The following FARS2 variants were observed in gnomAD, a reference collection of about 807,000 sequenced individuals.
FARS2 encodes phenylalanine--tRNA ligase, mitochondrial.
In FARS2, 40 loss-of-function variants were observed where a neutral mutation model predicts 46.4. That is an observed-to-expected ratio of 0.86 (90% CI 0.67 to 1.12). FARS2 has a LOEUF of 1.12. Among genes scored for constraint, FARS2 ranks in the 50% most tolerant of loss-of-function variants. The pLI is 0.00. For missense variants in FARS2, 513 were observed against 567.9 expected (o/e 0.90, Z 0.98); for synonymous variants, 234 against 214.9 (o/e 1.09, Z -0.78).
rs149459614 is a variant in FARS2, at chr6:5,531,540, A to G, written c.905-13640A>G. ...TGCCATCCAGCTCAGACCGTATTAA[A>G]GAACACTGCTTGTAAGACCCAGAGA... On this transcript the variant is annotated intron_variant, in intron 4 of 6. Coordinates refer to ENST00000274680, the MANE Select transcript of FARS2 (RefSeq NM_006567.5). Among the ~76,000 whole-genome samples, 220 of 152,364 alleles carry G rather than the reference A, an allele frequency of 1.4e-3. 2 individuals are homozygous for G. Among genetic ancestry groups the G allele is most frequent in the African/African-American group, 5.1e-3 (212 of 41,578 alleles).
At chr6:5,296,647 G>A (rs1366917298) in intron 1 of FARS2, among the ~76,000 whole-genome samples, 2 of 152,214 alleles carry the variant, frequency 1.3e-5, no homozygotes, top group East Asian at 1.9e-4. Flanking sequence ...ACCACTCTAG[G>A]AACTTCGTAT....
intron 1 of FARS2, among the ~76,000 whole-genome samples, chr6:5,364,938 C>T (rs963989036): frequency 6.6e-6 from 1 of 151,908 alleles, no homozygotes; most frequent in Non-Finnish European, 1.5e-5. Flanking sequence ...GGGCAGGGAG[C>T]CACTGGAGCC....
At chr6:5,373,603 A>G (rs1759194543) in intron 2 of FARS2, among the ~76,000 whole-genome samples, 2 of 152,124 alleles carry the variant, frequency 1.3e-5, no homozygotes, top group South Asian at 2.1e-4. Flanking sequence ...TGTTTATGCC[A>G]TTGTATTCAA....
At chr6:5,489,802 T>C (rs886907267) in intron 4 of FARS2, among the ~76,000 whole-genome samples, 1 of 152,240 alleles carries the variant, frequency 6.6e-6, no homozygotes, top group African/African-American at 2.4e-5. Context: ...GAACTTACGT[T>C]GGAATAAATA....
At chr6:5,263,813 T>C (rs892502484) in intron 1 of FARS2, among the ~76,000 whole-genome samples, 7 of 152,246 alleles carry the variant, frequency 4.6e-5, no homozygotes, top group African/African-American at 1.7e-4. Flanking sequence ...GAAATTTCTC[T>C]AATCATAATA....
At position 5,450,901 on chromosome 6, in the gene FARS2, G is replaced by A. The variant is rs114724906; in HGVS notation, c.904+19729G>A. ...GCCGTGCCTCTCTGGAAAATCTTCCGTGATTCTCCATGAAGGTATTCAGGG... is the reference window on the plus strand; with the variant it reads ...GCCGTGCCTCTCTGGAAAATCTTCCATGATTCTCCATGAAGGTATTCAGGG... On this transcript the variant is annotated intron_variant, in intron 4 of 6. Transcript: ENST00000274680. Among the ~76,000 whole-genome samples the A allele has an allele frequency of 4.0e-3, 608 of 152,122 alleles. 6 individuals carry two copies. The highest frequency in any genetic ancestry group is 0.014 in the African/African-American group (581 of 41,502).
chr6:5,673,501 T>G (rs977467510), intron 6 of FARS2, among the ~76,000 whole-genome samples: 1 of 152,180 alleles, frequency 6.6e-6, no homozygotes, highest in Non-Finnish European at 1.5e-5. Flanking sequence ...TTACAATGCT[T>G]TTATTTTTTT....
At chr6:5,657,148 T>C (rs1173860190) in intron 6 of FARS2, among the ~76,000 whole-genome samples, 1 of 152,248 alleles carries the variant, frequency 6.6e-6, no homozygotes, top group Non-Finnish European at 1.5e-5. Flanking sequence ...TGAATTCTTT[T>C]CAACTATTAT....
At chr6:5,458,223 C>G (rs1207073630) in intron 4 of FARS2, 1 of 152,400 alleles carries the variant, frequency 6.6e-6, no homozygotes, top group Admixed American at 6.5e-5. Flanking sequence ...TCATTTGCAG[C>G]AAAGCCTGCC....
At chr6:5,666,288 T>C (rs193283067) in intron 6 of FARS2, among the ~76,000 whole-genome samples, 1 of 152,298 alleles carries the variant, frequency 6.6e-6, no homozygotes, top group Admixed American at 6.5e-5. Context: ...TTGTTTTGCT[T>C]TTTATGTAGT....
chr6:5,763,256 G>T (rs531775337), intron 6 of FARS2, among the ~76,000 whole-genome samples: 1 of 152,214 alleles, frequency 6.6e-6, no homozygotes, highest in Non-Finnish European at 1.5e-5. Context: ...GTTTGAGATT[G>T]GCCTGGGCAA....
intron 6 of FARS2, among the ~76,000 whole-genome samples, chr6:5,695,940 CA>C (rs1438270889): frequency 7.2e-5 from 11 of 152,226 alleles, no homozygotes; most frequent in African/African-American, 2.7e-4. Context: ...ACGAGACATA[CA>C]GACTGCTGTG....
chr6:5,595,177 T>C (rs1486610706), intron 5 of FARS2, among the ~76,000 whole-genome samples: 1 of 152,208 alleles, frequency 6.6e-6, no homozygotes, highest in South Asian at 2.1e-4. Flanking sequence ...CTTTTTCTTC[T>C]TGTTTCTTCC....
intron 4 of FARS2, among the ~76,000 whole-genome samples, chr6:5,534,844 T>TACACACATGCACGCGCACACAC (rs1770092006): frequency 6.6e-6 from 1 of 150,632 alleles, no homozygotes; most frequent in South Asian, 2.1e-4. Flanking sequence ...CACGCACGCA[T>TACACACATGCACGCGCACACAC]ACACACTTGC....
At chr6:5,465,492 C>T (rs191608394) in intron 4 of FARS2, among the ~76,000 whole-genome samples, 1 of 152,238 alleles carries the variant, frequency 6.6e-6, no homozygotes, top group East Asian at 1.9e-4. Context: ...AAAACTAGAC[C>T]AGCTCAGCAC....
intron 5 of FARS2, among the ~76,000 whole-genome samples, chr6:5,602,562 A>C (rs1288436933): frequency 7.1e-6 from 1 of 141,032 alleles, no homozygotes; most frequent in East Asian, 2.3e-4. Flanking sequence ...CAGGAGAATC[A>C]CTTGGACCCA....
intron 4 of FARS2, among the ~76,000 whole-genome samples, chr6:5,481,255 G>A (rs1766438732): frequency 6.6e-6 from 1 of 152,212 alleles, no homozygotes; most frequent in Non-Finnish European, 1.5e-5. Flanking sequence ...TGGAAATGTG[G>A]ACACAGTGCC....
At chr6:5,591,292 A>T (rs1773903950) in intron 5 of FARS2, among the ~76,000 whole-genome samples, 1 of 152,232 alleles carries the variant, frequency 6.6e-6, no homozygotes, top group Non-Finnish European at 1.5e-5. Flanking sequence ...AACAAGGGAA[A>T]ACACTAGAAC....
At chr6:5,266,264 G>T (rs1429391427) in intron 1 of FARS2, among the ~76,000 whole-genome samples, 1 of 152,198 alleles carries the variant, frequency 6.6e-6, no homozygotes, top group Non-Finnish European at 1.5e-5. Flanking sequence ...CCGTGAAAAG[G>T]TAATACATCG....
Sources: gnomAD v4.1 joint callset for allele counts (sites outside exome capture counted in the v4.1 genomes callset) on GRCh38, gnomAD v4.1.1 for gene constraint, MANE v1.5 for transcripts, NCBI Gene and HGNC (gene_info 2026-07-23, HGNC 2026-07-21) for gene names.